The following KCNQ1 variants were observed in gnomAD, a reference collection of about 807,000 sequenced individuals.
KCNQ1 encodes potassium voltage-gated channel subfamily Q member 1, also known as potassium voltage-gated channel subfamily KQT member 1.
KCNQ1 carries 49 observed loss-of-function variants against 72.4 expected under a neutral mutation model. That is an observed-to-expected ratio of 0.68 (90% CI 0.54 to 0.86). The LOEUF is 0.86. Ranked by LOEUF, KCNQ1 falls within the 40% of genes least tolerant of loss-of-function variation. The pLI is 0.00. For missense variants in KCNQ1, 790 were observed against 945.1 expected (o/e 0.84, Z 2.15); for synonymous variants, 450 against 412.6 (o/e 1.09, Z -1.10).
rs975370805 is a variant in KCNQ1, at chr11:2,473,394, C to T, written c.386+27910C>T. On this transcript the variant is annotated intron_variant, in intron 1 of 15. Transcript: ENST00000155840. The surrounding 1 kb of genome is among the most constrained non-coding windows in gnomAD (Gnocchi z 6.0). ...GTGCAGTGAGTCCTGCCTGGAGTCC[C>T]GTCCAGCAGGAGGCAGGAGAGCTGG... 1.5e-4 allele frequency among the ~76,000 whole-genome samples: 23 copies of T among 152,224 alleles called. No homozygotes were observed. The highest frequency in any genetic ancestry group is 3.1e-4 in the Non-Finnish European group (21 of 67,996).
intron 15 of KCNQ1, among the ~76,000 whole-genome samples, chr11:2,823,346 TAA>T (rs1278842097): frequency 6.6e-6 from 1 of 152,206 alleles, no homozygotes; most frequent in African/African-American, 2.4e-5. Flanking sequence ...GAGGATACAG[TAA>T]AGACATTTTC....
rs1407206610 is a variant in KCNQ1 at position 2,627,804 on chromosome 11, A to C, written c.1394-34157A>C. 1 of 398,282 alleles carries C rather than the reference A, an allele frequency of 2.5e-6. No homozygotes were observed. The highest frequency in any genetic ancestry group is 4.4e-6 in the Non-Finnish European group (1 of 226,064). 24.7% of individuals were successfully genotyped at this position (398,282 alleles called of 1,614,324 possible). A position where few individuals can be genotyped will look rare whatever the true frequency, so the allele number is the denominator to read the frequency against. Reference sequence around the variant, plus strand: ...CTCCATCTGTCATCCAGGCAGGAGTACAGTGGCACAATCACAGTTCACTGT... The same window carrying C: ...CTCCATCTGTCATCCAGGCAGGAGTCCAGTGGCACAATCACAGTTCACTGT... On this transcript the variant is annotated intron_variant, in intron 10 of 15. Transcript: ENST00000155840. The surrounding 1 kb of genome is among the most constrained non-coding windows in gnomAD (Gnocchi z 4.9).
intron 15 of KCNQ1, among the ~76,000 whole-genome samples, chr11:2,791,464 G>T (rs928945019): frequency 2.0e-5 from 3 of 152,198 alleles, no homozygotes; most frequent in African/African-American, 7.2e-5. Context: ...GGCACAGCCT[G>T]CCCCCAGCCG....
At chr11:2,628,400 C>T in intron 10 of KCNQ1, 1 of 398,440 alleles carries the variant, frequency 2.5e-6, no homozygotes. Context: ...ATGTTAAGCA[C>T]CTTTTTATAT....
Position 2,446,150 on chromosome 11 carries a change from G to C in KCNQ1, c.386+666G>C, listed in dbSNP as rs527606749. On this transcript the variant is annotated intron_variant, in intron 1 of 15. Transcript: ENST00000155840. This position sits in a 1 kb window ranked among gnomAD's most constrained non-coding sequence, Gnocchi z 8.8. The stretch of plus-strand genomic sequence containing the variant: ...CGGAGAAAGCAGCGCTGGTAGCAGA[G>C]GCACCTGGCCCCCCTGTTACCAGGT... 2.6e-5 allele frequency among the ~76,000 whole-genome samples: 4 copies of C among 152,232 alleles called. No homozygotes were observed. The South Asian group carries it at 6.2e-4, about 24-fold the overall frequency.
intron 1 of KCNQ1, 35 bp downstream of exon 1, chr11:2,445,519 G>A (rs1364472048): frequency 6.3e-7 from 1 of 1,581,750 alleles, no homozygotes; most frequent in East Asian, 2.3e-5. Flanking sequence ...CGGCACGAAG[G>A]TGCTTCCTGA....
chr11:2,458,861 G>A lies in KCNQ1; in HGVS notation c.386+13377G>A, dbSNP rs369261740. 5.3e-5 allele frequency among the ~76,000 whole-genome samples: 8 copies of A among 152,164 alleles called. No individual in the cohort carries two copies. The East Asian group carries it at 5.8e-4, about 11-fold the overall frequency. On this transcript the variant is annotated intron_variant, in intron 1 of 15. Transcript: ENST00000155840. This position sits in a 1 kb window ranked among gnomAD's most constrained non-coding sequence, Gnocchi z 4.6. ...AGTAAGTCAATGACCAAGAAATAAC[G>A]GAGAGAAGGAGGAAAGAATCACCTA...
Position 2,679,049 on chromosome 11 carries a change from C to T in KCNQ1, c.1514+16968C>T, listed in dbSNP as rs1371366860. 7.5e-6 allele frequency: 3 copies of T among 398,532 alleles called. No homozygotes were observed. Among genetic ancestry groups the T allele is most frequent in the African/African-American group, 2.1e-5 (1 of 48,624 alleles). 24.7% of individuals were successfully genotyped at this position (398,532 alleles called of 1,614,324 possible). A position where few individuals can be genotyped will look rare whatever the true frequency, so the allele number is the denominator to read the frequency against. On this transcript the variant is annotated intron_variant, in intron 11 of 15. Transcript: ENST00000155840. The surrounding 1 kb of genome is among the most constrained non-coding windows in gnomAD (Gnocchi z 4.8). ...CTTGTAGCCCAGCCCCTCCTCCATA[C>T]CAACCACCAAAAAAACCCACTAACA... is the stretch of plus-strand genomic sequence containing the variant.
At chr11:2,667,811 G>A (rs1028814413) in intron 11 of KCNQ1, 4 of 398,684 alleles carry the variant, frequency 1.0e-5, no homozygotes, top group Non-Finnish European at 1.3e-5. Context: ...GGCTACCCTG[G>A]TATAGGGTGG....
chr11:2,572,876 C>T lies in KCNQ1; in HGVS notation c.811C>T (p.Leu271=), dbSNP rs189991547. Residue 271 remains leucine, a synonymous_variant, in exon 6 of 16, where the codon CTG becomes TTG. Coordinates refer to ENST00000155840, the MANE Select transcript of KCNQ1 (RefSeq NM_000218.3). ...ELITTLYIGF[L]GLIFSSYFVY... is the part of the protein sequence containing the mutation. ...GATAACCACCCTGTACATCGGCTTC[C>T]TGGGCCTCATCTTCTCCTCGTACTT... 782 of 1,613,834 alleles carry T rather than the reference C, an allele frequency of 4.8e-4. 1 individual carries two copies. Among genetic ancestry groups the T allele is most frequent in the Middle Eastern group, 1.6e-3 (10 of 6,062 alleles).
In KCNQ1 at chr11:2,668,492, G is replaced by A. The variant is rs1850123799; in HGVS notation, c.1514+6411G>A. 1 of 398,610 alleles carries A rather than the reference G, an allele frequency of 2.5e-6. No individual in the cohort carries two copies. The highest frequency in any genetic ancestry group is 4.4e-6 in the Non-Finnish European group (1 of 226,064). 24.7% of individuals were successfully genotyped at this position (398,610 alleles called of 1,614,324 possible). A position where few individuals can be genotyped will look rare whatever the true frequency, so the allele number is the denominator to read the frequency against. On this transcript the variant is annotated intron_variant, in intron 11 of 15. Transcript: ENST00000155840. The surrounding 1 kb of genome is among the most constrained non-coding windows in gnomAD (Gnocchi z 4.3). ...TCGTTTCCTTTTCAGCCATGATGGT[G>A]AATGTCTAGCAGCATCAAATGGTGA...
chr11:2,652,839 G>GT lies in KCNQ1; in HGVS notation c.1394-9121dup. On this transcript the variant is annotated intron_variant, in intron 10 of 15. Transcript: ENST00000155840. The surrounding 1 kb of genome is among the most constrained non-coding windows in gnomAD (Gnocchi z 5.9). ...CATTTCCGTTCACTCTGAGATTTGT[G>GT]TATGCTGAGGCTTGCTATACTTATT... is the stretch of plus-strand genomic sequence containing the variant. 1 of 398,758 alleles carries GT rather than the reference G, an allele frequency of 2.5e-6. No homozygotes were observed. The highest frequency in any genetic ancestry group is 3.6e-5 in the East Asian group (1 of 28,076). The allele number at this position is 398,758 out of a possible 1,614,324, so 24.7% of individuals were successfully genotyped here. A position where few individuals can be genotyped will look rare whatever the true frequency, so the allele number is the denominator to read the frequency against.
In KCNQ1 at chr11:2,519,811, G is replaced by A. The variant is rs200614948; in HGVS notation, c.387-8117G>A. Among the ~76,000 whole-genome samples the A allele has an allele frequency of 4.6e-5, 7 of 152,076 alleles. No individual in the cohort carries two copies. In the East Asian group the frequency reaches 1.4e-3, roughly 29 times the overall value. ...ACATTGGTTTCCATCCCTGGAAGCT[G>A]CAAATGTGACCTGACATAGAAAACA... On this transcript the variant is annotated intron_variant, in intron 1 of 15. Coordinates refer to ENST00000155840, the MANE Select transcript of KCNQ1 (RefSeq NM_000218.3).
intron 1 of KCNQ1, among the ~76,000 whole-genome samples, chr11:2,513,466 G>A (rs1402347608): frequency 6.6e-6 from 1 of 152,180 alleles, no homozygotes; most frequent in African/African-American, 2.4e-5. Context: ...GAGCCATAGA[G>A]CCTAGGGGGT....
intron 15 of KCNQ1, among the ~76,000 whole-genome samples, chr11:2,823,650 G>A (rs2134057732): frequency 6.6e-6 from 1 of 152,338 alleles, no homozygotes; most frequent in East Asian, 1.9e-4. Context: ...AGAGAAAATA[G>A]GTGGGACTGG....
chr11:2,517,040 C>T (rs1026875265), intron 1 of KCNQ1, among the ~76,000 whole-genome samples: 2 of 152,184 alleles, frequency 1.3e-5, no homozygotes, highest in African/African-American at 2.4e-5. Flanking sequence ...CCCCAGGCTG[C>T]TCCTGGAAAG....
intron 6 of KCNQ1, among the ~76,000 whole-genome samples, chr11:2,582,582 G>A (rs1022849836): frequency 1.2e-4 from 18 of 152,220 alleles, no homozygotes; most frequent in African/African-American, 4.3e-4. Flanking sequence ...GAGCAGGGCT[G>A]CAAAGACCTC....
At chr11:2,546,631 A>G (rs1462539812) in intron 2 of KCNQ1, among the ~76,000 whole-genome samples, 3 of 149,512 alleles carry the variant, frequency 2.0e-5, no homozygotes, top group African/African-American at 7.6e-5. Flanking sequence ...TGTTTAATGT[A>G]TTTTATTTTT....
rs1166466794 is a variant in KCNQ1, at chr11:2,541,521, G to C, written c.477+13503G>C. ...GTTAGTTCTCAGTGTGGCCTACCCA[G>C]CCAGGTCCCTGGACCTGGCGGTGGC... On this transcript the variant is annotated intron_variant, in intron 2 of 15. Coordinates refer to ENST00000155840, the MANE Select transcript of KCNQ1 (RefSeq NM_000218.3). This position sits in a 1 kb window ranked among gnomAD's most constrained non-coding sequence, Gnocchi z 4.8. 6.6e-6 allele frequency among the ~76,000 whole-genome samples: 1 copy of C among 151,974 alleles called. No homozygotes were observed. Among genetic ancestry groups the C allele is most frequent in the Non-Finnish European group, 1.5e-5 (1 of 67,984 alleles).
Sources: gnomAD v4.1 joint callset for allele counts (sites outside exome capture counted in the v4.1 genomes callset) on GRCh38, gnomAD v4.1.1 for gene constraint, Gnocchi (gnomAD v3.1) non-coding constraint, MANE v1.5 for transcripts, NCBI Gene and HGNC (gene_info 2026-07-23, HGNC 2026-07-21) for gene names.